The following LRRC57 variants were observed in gnomAD, a reference collection of about 807,000 sequenced individuals.
LRRC57 encodes the protein leucine-rich repeat-containing protein 57.
Under a neutral mutation model 23.1 loss-of-function variants are expected in LRRC57, and 14 were observed. That is an observed-to-expected ratio of 0.61 (90% CI 0.40 to 0.95). The LOEUF (loss-of-function observed/expected upper bound fraction) is 0.95, where lower values mean the gene tolerates loss of function less well. LRRC57 is among the 40% of genes least tolerant of loss of function. The probability of loss-of-function intolerance (pLI) is 0.00; values close to 1 mark genes in which losing one functional copy is unlikely to be tolerated. For missense variants in LRRC57, 236 were observed against 284.4 expected (o/e 0.83, Z 1.22); for synonymous variants, 106 against 115.2 (o/e 0.92, Z 0.51).
downstream of LRRC57, among the ~76,000 whole-genome samples, chr15:42,537,338 C>G (rs1252479724): frequency 3.3e-5 from 5 of 151,788 alleles, no homozygotes; most frequent in Non-Finnish European, 7.4e-5. Flanking sequence ...GCAAATAAAA[C>G]CTACAATGAG....
chr15:42,547,257 AGACCT>A lies in LRRC57; in HGVS notation c.491_492+3del. The A allele has an allele frequency of 6.2e-7, 1 of 1,613,656 alleles. No individual in the cohort carries two copies. The highest frequency in any genetic ancestry group is 1.3e-5 in the African/African-American group (1 of 75,046). ...GTAGGAAAAAAAACCTTAAAGCTCTAGACCTGATTCTGGTTGAGGTTGAGTTCGAT... is the reference window on the plus strand; with the variant it reads ...GTAGGAAAAAAAACCTTAAAGCTCTAGATTCTGGTTGAGGTTGAGTTCGAT... On this transcript the variant is annotated splice_donor_variant and splice_donor_region_variant and coding_sequence_variant and intron_variant, in exon 4 of 6. Coordinates refer to ENST00000397130, the MANE Select transcript of LRRC57 (RefSeq NM_153260.3). LOFTEE classifies it high-confidence loss of function.
chr15:42,548,751 C>A lies in LRRC57; in HGVS notation c.-81G>T. ...GTGAAGACCCAGGACCCGCAGTAGC[C>A]GGGATGCGCTCCCCGGCTTAGTCCC... On this transcript the variant is annotated 5_prime_UTR_variant, in exon 1 of 6. Transcript: ENST00000397130. 2 of 723,656 alleles carry A rather than the reference C, an allele frequency of 2.8e-6. No individual in the cohort carries two copies. Among genetic ancestry groups the A allele is most frequent in the East Asian group, 2.7e-5 (1 of 36,870 alleles). The allele number at this position is 723,656 out of a possible 1,614,324, so 44.8% of individuals were successfully genotyped here.
rs2057623042 is a variant in LRRC57 at position 42,540,450 on chromosome 15, ATGTCATT to A, written c.*3626_*3632del. Reference sequence around the variant, plus strand: ...TAATTTAAAGTATCAGGAAGATACTATGTCATTTTGTATAAGGGACTTGAGCATCATG... The same window carrying A: ...TAATTTAAAGTATCAGGAAGATACTATTGTATAAGGGACTTGAGCATCATG... On this transcript the variant is annotated 3_prime_UTR_variant, in exon 6 of 6. Transcript: ENST00000397130. 1 of 152,220 alleles carries A rather than the reference ATGTCATT, an allele frequency of 6.6e-6. No homozygotes were observed. Among genetic ancestry groups the A allele is most frequent in the African/African-American group, 2.4e-5 (1 of 41,466 alleles). The allele number at this position is 152,220 out of a possible 1,614,324, so 9.4% of individuals were successfully genotyped here.
chr15:42,535,244 TC>T (rs1237541987), downstream of LRRC57, among the ~76,000 whole-genome samples: 1 of 152,218 alleles, frequency 6.6e-6, no homozygotes, highest in Non-Finnish European at 1.5e-5. Context: ...TACAGCTTCT[TC>T]CCTTAAACCT....
In LRRC57 at chr15:42,538,780, A is replaced by C. The variant is rs558503299; in HGVS notation, c.*5303T>G. 1 of 152,320 alleles carries C rather than the reference A, an allele frequency of 6.6e-6. No homozygotes were observed. The highest frequency in any genetic ancestry group is 2.1e-4 in the South Asian group (1 of 4,816). The allele number at this position is 152,320 out of a possible 1,614,324, so 9.4% of individuals were successfully genotyped here. On this transcript the variant is annotated 3_prime_UTR_variant, in exon 6 of 6. Transcript: ENST00000397130. ...TTACAAGTGAGACGAAATTGCTCAA[A>C]TTCATAAAGCTAATAAATGACGGAC...
rs143066320 is a variant in LRRC57, at chr15:42,544,842, C to CTATATATATATATATATATATA, written c.678+234_678+235insTATATATATATATATATATATA. 5.2e-3 allele frequency among the ~76,000 whole-genome samples: 508 copies of CTATATATATATATATATATATA among 97,880 alleles called. 15 individuals are homozygous for CTATATATATATATATATATATA. Among genetic ancestry groups the CTATATATATATATATATATATA allele is most frequent in the African/African-American group, 0.032 (481 of 14,896 alleles). 64.2% of individuals were successfully genotyped at this position (97,880 alleles called of 152,430 possible). ...ACACACACACACACACACACACACACTATATATATATATATATCAAAAGAC... is the reference window on the plus strand; with the variant it reads ...ACACACACACACACACACACACACACTATATATATATATATATATATATATATATATATATATATCAAAAGAC... On this transcript the variant is annotated intron_variant, in intron 5 of 5. Coordinates refer to ENST00000397130, the MANE Select transcript of LRRC57 (RefSeq NM_153260.3).
downstream of LRRC57, among the ~76,000 whole-genome samples, chr15:42,534,642 A>G (rs1354061263): frequency 6.6e-6 from 1 of 152,204 alleles, no homozygotes; most frequent in African/African-American, 2.4e-5. Context: ...TTCTTAAGCA[A>G]TAAGACTTGA....
chr15:42,538,603 T>G lies in LRRC57; in HGVS notation c.*5480A>C, dbSNP rs2057612301. On this transcript the variant is annotated 3_prime_UTR_variant, in exon 6 of 6. Coordinates refer to ENST00000397130, the MANE Select transcript of LRRC57 (RefSeq NM_153260.3). ...GTAGTGTCCACTCCAAGCCTTCTATTTCTGTACAACTTGTAAAATTCTACT... is the reference window on the plus strand; with the variant it reads ...GTAGTGTCCACTCCAAGCCTTCTATGTCTGTACAACTTGTAAAATTCTACT... 1 of 152,160 alleles carries G rather than the reference T, an allele frequency of 6.6e-6. No individual in the cohort carries two copies. Among genetic ancestry groups the G allele is most frequent in the African/African-American group, 2.4e-5 (1 of 41,434 alleles). 9.4% of individuals were successfully genotyped at this position (152,160 alleles called of 1,614,324 possible).
chr15:42,535,793 A>G (rs2057597784), downstream of LRRC57, among the ~76,000 whole-genome samples: 1 of 152,226 alleles, frequency 6.6e-6, no homozygotes, highest in African/African-American at 2.4e-5. Flanking sequence ...GTCTCAGATT[A>G]GGGAGGCCCA....
At chr15:42,532,077 T>C in the LRRC57 span, 1 of 152,076 alleles carries the variant, frequency 6.6e-6, no homozygotes, top group South Asian at 2.1e-4. Context: ...AAGAGAAAAA[T>C]AGAATGAGTT....
At chr15:42,529,527 A>T in the LRRC57 span, 1 of 736,832 alleles carries the variant, frequency 1.4e-6, no homozygotes, top group Admixed American at 2.9e-5. Context: ...TTTTTATTAT[A>T]GAATGTTTCC....
chr15:42,531,485 T>C, the LRRC57 span: 1 of 1,592,698 alleles, frequency 6.3e-7, no homozygotes, highest in Non-Finnish European at 8.6e-7. Flanking sequence ...CTAAAGCTAC[T>C]GCTGTTCTTC....
At chr15:42,533,640 G>C (rs148865502), downstream of LRRC57, among the ~76,000 whole-genome samples, 52 of 152,316 alleles carry the variant, frequency 3.4e-4, no homozygotes, top group African/African-American at 1.1e-3. Context: ...CAGTATGATT[G>C]GTTAGAAGCA....
At position 42,537,896 on chromosome 15, in the gene LRRC57, G is replaced by A. The variant is rs944375215; in HGVS notation, c.*6187C>T. On this transcript the variant is annotated 3_prime_UTR_variant, in exon 6 of 6. Transcript: ENST00000397130. ...GTAGAATGATAGTTACCAGAGGCTGGGTAGTGGGTGTACAGGGTGGGGCGA... is the reference window on the plus strand; with the variant it reads ...GTAGAATGATAGTTACCAGAGGCTGAGTAGTGGGTGTACAGGGTGGGGCGA... 1 of 152,170 alleles carries A rather than the reference G, an allele frequency of 6.6e-6. No individual in the cohort carries two copies. The highest frequency in any genetic ancestry group is 1.5e-5 in the Non-Finnish European group (1 of 68,038). 9.4% of individuals were successfully genotyped at this position (152,170 alleles called of 1,614,324 possible). A position where few individuals can be genotyped will look rare whatever the true frequency, so the allele number is the denominator to read the frequency against.
Position 42,539,756 on chromosome 15 carries a change from GTA to G in LRRC57, c.*4325_*4326del, listed in dbSNP as rs1228303589. The G allele has an allele frequency of 6.6e-6, 1 of 152,148 alleles. No individual in the cohort carries two copies. The highest frequency in any genetic ancestry group is 1.5e-5 in the Non-Finnish European group (1 of 68,038). The allele number at this position is 152,148 out of a possible 1,614,324, so 9.4% of individuals were successfully genotyped here. On this transcript the variant is annotated 3_prime_UTR_variant, in exon 6 of 6. Transcript: ENST00000397130. ...TTGCTGTAACTTTGGGCATATTACT[GTA>G]TATAGCCCTTGCCCTCAAAGAGTTA...
intron 4 of LRRC57, among the ~76,000 whole-genome samples, chr15:42,546,928 A>T (rs1005563048): frequency 6.6e-6 from 1 of 152,204 alleles, no homozygotes; most frequent in African/African-American, 2.4e-5. Flanking sequence ...TCCCTGACAT[A>T]GCTCCTGGCT....
chr15:42,528,493 A>G, the LRRC57 span: 1 of 1,353,200 alleles, frequency 7.4e-7, no homozygotes, highest in East Asian at 2.3e-5. Flanking sequence ...GTTTAGCAGT[A>G]CATGACCCCT....
chr15:42,537,637 C>T (rs141184942), downstream of LRRC57, among the ~76,000 whole-genome samples: 64 of 152,252 alleles, frequency 4.2e-4, no homozygotes, highest in African/African-American at 1.5e-3. Context: ...ATGGAATCAA[C>T]CTAAGGGTCC....
chr15:42,542,949 C>T lies in LRRC57; in HGVS notation c.*1134G>A, dbSNP rs1042623824. On this transcript the variant is annotated 3_prime_UTR_variant, in exon 6 of 6. Coordinates refer to ENST00000397130, the MANE Select transcript of LRRC57 (RefSeq NM_153260.3). ...GCAATGGCATGATCTCGGCTCACTGCAACCTCTGCCTCCTGGGTTCAAGCA... is the reference window on the plus strand; with the variant it reads ...GCAATGGCATGATCTCGGCTCACTGTAACCTCTGCCTCCTGGGTTCAAGCA... 6.6e-6 allele frequency: 1 copy of T among 152,312 alleles called. No homozygotes were observed. Among genetic ancestry groups the T allele is most frequent in the African/African-American group, 2.4e-5 (1 of 41,374 alleles). The allele number at this position is 152,312 out of a possible 1,614,324, so 9.4% of individuals were successfully genotyped here.
Sources: gnomAD v4.1 joint callset for allele counts (sites outside exome capture counted in the v4.1 genomes callset) on GRCh38, gnomAD v4.1.1 for gene constraint, MANE v1.5 for transcripts, NCBI Gene and HGNC (gene_info 2026-07-23, HGNC 2026-07-21) for gene names.